The following UST variants were observed in gnomAD, a reference collection of about 807,000 sequenced individuals.
UST encodes the protein uronyl 2-sulfotransferase.
In UST, 21 loss-of-function variants were observed where a neutral mutation model predicts 45.6. That is an observed-to-expected ratio of 0.46 (90% CI 0.33 to 0.66). The LOEUF is 0.66. Ranked by LOEUF, UST falls within the 30% of genes least tolerant of loss-of-function variation. The probability of loss-of-function intolerance (pLI) is 0.02; values close to 1 mark genes in which losing one functional copy is unlikely to be tolerated. For synonymous variants in UST, 215 were observed against 200.6 expected, an observed-to-expected ratio of 1.07 and a Z score of -0.61; for missense variants, 463 against 512.4, an observed-to-expected ratio of 0.90 and a Z score of 0.93.
At chr6:149,062,115 T>C (rs745426149) in intron 7 of UST, among the ~76,000 whole-genome samples, 1 of 152,232 alleles carries the variant, frequency 6.6e-6, no homozygotes, top group Non-Finnish European at 1.5e-5. Context: ...GAACCTTCCT[T>C]ATCATGGCAT....
intron 1 of UST, among the ~76,000 whole-genome samples, chr6:148,823,371 A>G (rs192836648): frequency 6.6e-5 from 10 of 152,326 alleles, no homozygotes; most frequent in Admixed American, 1.3e-4. Flanking sequence ...CTTTGCTCTA[A>G]GAATGCCTTT....
At chr6:149,012,981 G>A (rs1775838058) in intron 5 of UST, among the ~76,000 whole-genome samples, 2 of 152,064 alleles carry the variant, frequency 1.3e-5, no homozygotes, top group South Asian at 4.1e-4. Context: ...GGTCTATGAG[G>A]CAAGTATTAT....
intron 5 of UST, among the ~76,000 whole-genome samples, chr6:148,988,718 A>G (rs1424884960): frequency 6.6e-6 from 1 of 152,150 alleles, no homozygotes; most frequent in Admixed American, 6.5e-5. Context: ...GTAGATTCCT[A>G]CAACATGTAA....
At chr6:148,964,250 T>C (rs3734376) in intron 4 of UST, among the ~76,000 whole-genome samples, 160 bp from the exon 5 acceptor site, 69,954 of 152,078 alleles carry the variant, frequency 0.46, 17,709 homozygotes, top group African/African-American at 0.69. Context: ...AATAAAATGC[T>C]TATCAGGAAA....
intron 7 of UST, among the ~76,000 whole-genome samples, chr6:149,023,590 C>T (rs1030404878): frequency 2.6e-5 from 4 of 152,130 alleles, no homozygotes; most frequent in Admixed American, 6.6e-5. Context: ...ACTCTCTTGT[C>T]CCAGCATTTG....
At chr6:148,813,978 A>T (rs1777310982) in intron 1 of UST, among the ~76,000 whole-genome samples, 1 of 152,156 alleles carries the variant, frequency 6.6e-6, no homozygotes, top group Non-Finnish European at 1.5e-5. Flanking sequence ...TTTCATTTTC[A>T]TGTCTGTAAA....
intron 2 of UST, among the ~76,000 whole-genome samples, chr6:148,916,147 A>G (rs1354568704): frequency 6.6e-6 from 1 of 152,232 alleles, no homozygotes; most frequent in Non-Finnish European, 1.5e-5. Context: ...TTGATTGAGT[A>G]CTTACTGCGT....
At position 148,748,011 on chromosome 6, in the gene UST, T is replaced by G. The variant is rs1775907181; in HGVS notation, c.247+334T>G. Reference sequence around the variant, plus strand: ...TGGGTGTGTGGGGTGTGCCGGAGTGTGTGTATCTTCAGGCCTGGCGGCGCG... The same window carrying G: ...TGGGTGTGTGGGGTGTGCCGGAGTGGGTGTATCTTCAGGCCTGGCGGCGCG... On this transcript the variant is annotated intron_variant, in intron 1 of 7. Coordinates refer to ENST00000367463, the MANE Select transcript of UST (RefSeq NM_005715.3). The surrounding 1 kb of genome is among the most constrained non-coding windows in gnomAD (Gnocchi z 5.3). Among the ~76,000 whole-genome samples the G allele has an allele frequency of 6.6e-6, 1 of 151,874 alleles. No homozygotes were observed. The highest frequency in any genetic ancestry group is 2.4e-5 in the African/African-American group (1 of 41,344).
intron 7 of UST, among the ~76,000 whole-genome samples, chr6:149,054,966 T>C (rs7738162): frequency 0.66 from 100,144 of 152,036 alleles, 33,978 homozygotes; most frequent in African/African-American, 0.82. Context: ...CTAAGACTCA[T>C]GGTTTATCGC....
intron 2 of UST, among the ~76,000 whole-genome samples, chr6:148,936,158 ATATTTCTGGGCTTCAGTTTACTCAT>A (rs1780022091): frequency 6.6e-6 from 1 of 152,202 alleles, no homozygotes; most frequent in Non-Finnish European, 1.5e-5. Flanking sequence ...ATGCCAAATG[ATATTTCTGGGCTTCAGTTTACTCAT>A]GTAAAAATAG....
chr6:149,048,409 G>A (rs1482578834), intron 7 of UST, among the ~76,000 whole-genome samples: 1 of 151,930 alleles, frequency 6.6e-6, no homozygotes, highest in Non-Finnish European at 1.5e-5. Flanking sequence ...GGTGGCGGAT[G>A]CCTGTAATCC....
In UST at chr6:148,774,222, A is replaced by G. The variant is rs775547666; in HGVS notation, c.247+26545A>G. ...TGTTAAAGAAGCGTGTGACACGGCT[A>G]TAACTAAACACTCTCCATTCCTGTC... On this transcript the variant is annotated intron_variant, in intron 1 of 7. Coordinates refer to ENST00000367463, the MANE Select transcript of UST (RefSeq NM_005715.3). Among the ~76,000 whole-genome samples the G allele has an allele frequency of 2.5e-4, 38 of 151,782 alleles. 1 individual carries two copies. Among genetic ancestry groups the G allele is most frequent in the Non-Finnish European group, 3.4e-4 (23 of 67,972 alleles).
At chr6:148,828,230 A>ATTATTTATTTAT (rs10699115) in intron 1 of UST, among the ~76,000 whole-genome samples, 10,151 of 148,654 alleles carry the variant, frequency 0.068, 413 homozygotes, top group Non-Finnish European at 0.1. Flanking sequence ...GTTAGTCTAT[A>ATTATTTATTTAT]TTATTTATTT....
At position 148,747,346 on chromosome 6, in the gene UST, G is replaced by C; in HGVS notation, c.-85G>C. On this transcript the variant is annotated 5_prime_UTR_variant, in exon 1 of 8. Transcript: ENST00000367463. ...CTCCGCGCGGCCCTCCCCATGTGCAGCCGGCCAGCCGGGCTCTCCTCCTCG... is the reference window on the plus strand; with the variant it reads ...CTCCGCGCGGCCCTCCCCATGTGCACCCGGCCAGCCGGGCTCTCCTCCTCG... The C allele has an allele frequency of 1.5e-6, 2 of 1,348,198 alleles. No individual in the cohort carries two copies. Among genetic ancestry groups the C allele is most frequent in the Non-Finnish European group, 1.9e-6 (2 of 1,046,266 alleles). 83.5% of individuals were successfully genotyped at this position (1,348,198 alleles called of 1,614,324 possible). A position where few individuals can be genotyped will look rare whatever the true frequency, so the allele number is the denominator to read the frequency against.
chr6:148,925,569 T>C (rs1035571367), intron 2 of UST, among the ~76,000 whole-genome samples: 5 of 152,218 alleles, frequency 3.3e-5, no homozygotes, highest in Non-Finnish European at 7.3e-5. Flanking sequence ...TATTTCCAAG[T>C]CACAATTCTA....
chr6:149,072,054 G>A (rs904059840), intron 7 of UST, among the ~76,000 whole-genome samples: 5 of 152,164 alleles, frequency 3.3e-5, no homozygotes, highest in East Asian at 3.9e-4. Context: ...AATAACAATC[G>A]TAGGAGAGAA....
intron 1 of UST, among the ~76,000 whole-genome samples, chr6:148,771,681 C>A (rs1776429364): frequency 6.6e-6 from 1 of 152,192 alleles, no homozygotes; most frequent in African/African-American, 2.4e-5. Context: ...ACAGCTCTAA[C>A]AGGTGCTCCA....
intron 1 of UST, among the ~76,000 whole-genome samples, chr6:148,751,230 T>C (rs1407401310): frequency 6.6e-6 from 1 of 152,212 alleles, no homozygotes; most frequent in Non-Finnish European, 1.5e-5. Context: ...TATTTAAAAA[T>C]GTGATTTAAA....
intron 5 of UST, among the ~76,000 whole-genome samples, chr6:148,994,748 C>T (rs1295404921): frequency 6.6e-6 from 1 of 152,122 alleles, no homozygotes; most frequent in East Asian, 1.9e-4. Context: ...TTTCTGTCCC[C>T]CCCACCAGGC....
Sources: gnomAD v4.1 joint callset for allele counts (sites outside exome capture counted in the v4.1 genomes callset) on GRCh38, gnomAD v4.1.1 for gene constraint, Gnocchi (gnomAD v3.1) non-coding constraint, MANE v1.5 for transcripts, NCBI Gene and HGNC (gene_info 2026-07-23, HGNC 2026-07-21) for gene names.